The following NUCB2 variants were observed in gnomAD, a reference collection of about 807,000 sequenced individuals.
The protein encoded by NUCB2 is nucleobindin-2.
A neutral mutation model predicts 57.9 loss-of-function variants in NUCB2; 48 were observed. The observed-to-expected ratio is 0.83, with a 90% confidence interval of 0.66 to 1.05. The LOEUF (loss-of-function observed/expected upper bound fraction) is 1.05. Ranked by LOEUF, NUCB2 falls within the 50% of genes least tolerant of loss-of-function variation. The probability of loss-of-function intolerance (pLI) is 0.00; values close to 1 mark genes in which losing one functional copy is unlikely to be tolerated. For synonymous variants in NUCB2, 139 were observed against 152.1 expected (o/e 0.91, Z 0.64); for missense variants, 442 against 476.2 (o/e 0.93, Z 0.67).
At chr11:17,327,183 C>T (rs1340597039) in intron 11 of NUCB2, among the ~76,000 whole-genome samples, 2 of 152,064 alleles carry the variant, frequency 1.3e-5, no homozygotes, top group African/African-American at 4.8e-5. Context: ...GGTTTAGGCT[C>T]CCGAGCAGCT....
intron 10 of NUCB2, among the ~76,000 whole-genome samples, chr11:17,314,454 A>G (rs903975649): frequency 2.0e-5 from 3 of 148,034 alleles, no homozygotes; most frequent in African/African-American, 7.5e-5. Flanking sequence ...GCTCTCTGTG[A>G]CTCTCTCTCC....
chr11:17,315,639 G>T (rs1355135424), intron 11 of NUCB2, among the ~76,000 whole-genome samples, 164 bp downstream of exon 11: 1 of 152,086 alleles, frequency 6.6e-6, no homozygotes, highest in African/African-American at 2.4e-5. Context: ...TTCTTGGAAA[G>T]CTTGTAGCAA....
intron 7 of NUCB2, 44 bp from the exon 8 acceptor site, chr11:17,311,149 A>G (rs1221162548): frequency 6.7e-7 from 1 of 1,499,978 alleles, no homozygotes; most frequent in African/African-American, 1.4e-5. Flanking sequence ...CTGTACAGAT[A>G]GATTATATTT....
intron 1 of NUCB2, among the ~76,000 whole-genome samples, chr11:17,279,966 AT>A (rs1942218946): frequency 6.6e-6 from 1 of 151,482 alleles, no homozygotes; most frequent in Non-Finnish European, 1.5e-5. Context: ...ATTTTTAAGT[AT>A]TTTTTTGTAG....
At chr11:17,333,671 C>T (rs1030940349), downstream of NUCB2, 8 of 152,128 alleles carry the variant, frequency 5.3e-5, no homozygotes, top group African/African-American at 1.9e-4. Flanking sequence ...TGATCTCTTC[C>T]CCTAGGATGG....
At chr11:17,297,615 T>A (rs778265982) in intron 4 of NUCB2, among the ~76,000 whole-genome samples, 4 of 152,162 alleles carry the variant, frequency 2.6e-5, no homozygotes, top group Non-Finnish European at 4.4e-5. Context: ...TGGGGTGACA[T>A]AGAAAATGTG....
rs1430899877 is a variant in NUCB2 at position 17,331,636 on chromosome 11, T to C, written c.*217T>C. On this transcript the variant is annotated 3_prime_UTR_variant, in exon 14 of 14. Coordinates refer to ENST00000529010, the MANE Select transcript of NUCB2 (RefSeq NM_005013.4). ...AAGAAAACAAACTCACTGTCTGCTCTCTGCTCTCACATTCACACGGCTCTT... is the reference window on the plus strand; with the variant it reads ...AAGAAAACAAACTCACTGTCTGCTCCCTGCTCTCACATTCACACGGCTCTT... 7.7e-6 allele frequency: 3 copies of C among 391,174 alleles called. No individual in the cohort carries two copies. Among genetic ancestry groups the C allele is most frequent in the East Asian group, 7.5e-5 (2 of 26,524 alleles). The allele number at this position is 391,174 out of a possible 1,614,324, so 24.2% of individuals were successfully genotyped here. A position where few individuals can be genotyped will look rare whatever the true frequency, so the allele number is the denominator to read the frequency against.
At chr11:17,279,995 G>T (rs1162002048) in intron 1 of NUCB2, among the ~76,000 whole-genome samples, 1 of 152,006 alleles carries the variant, frequency 6.6e-6, no homozygotes, top group East Asian at 1.9e-4. Context: ...GCCTCGCCAT[G>T]TTGTCCAGGC....
At chr11:17,288,701 T>C (rs1439421904) in intron 2 of NUCB2, among the ~76,000 whole-genome samples, 2 of 150,788 alleles carry the variant, frequency 1.3e-5, no homozygotes, top group Non-Finnish European at 3.0e-5. Context: ...ACTACAGGCA[T>C]GCGCCACCTC....
chr11:17,329,992 C>T, intron 11 of NUCB2, 135 bp from the exon 12 acceptor site: 3 of 433,708 alleles, frequency 6.9e-6, no homozygotes, highest in South Asian at 5.3e-5. Flanking sequence ...TACTTATTTC[C>T]CCTTCCTTCT....
At chr11:17,343,882 T>G (rs1049936762) in intron 2 of NUCB2, among the ~76,000 whole-genome samples, 8 of 152,236 alleles carry the variant, frequency 5.3e-5, no homozygotes, top group Admixed American at 2.0e-4. Context: ...CCCATATCAT[T>G]TTTTATTTCT....
At chr11:17,310,719 C>T in intron 6 of NUCB2, 106 bp from the exon 7 acceptor site, 1 of 804,296 alleles carries the variant, frequency 1.2e-6, no homozygotes, top group Non-Finnish European at 2.0e-6. Flanking sequence ...TGTTTTTGCC[C>T]TCCCGTACCA....
chr11:17,282,256 A>C (rs1466347562), intron 1 of NUCB2, among the ~76,000 whole-genome samples: 77 of 108,296 alleles, frequency 7.1e-4, no homozygotes, highest in Middle Eastern at 8.8e-3. Context: ...ATATATATAT[A>C]TATTTTTTTT....
At chr11:17,332,920 C>T (rs1368730365), downstream of NUCB2, 1 of 152,064 alleles carries the variant, frequency 6.6e-6, no homozygotes, top group East Asian at 1.9e-4. Flanking sequence ...CTATGTTGCT[C>T]AGGCTGGTCT....
intron 1 of NUCB2, among the ~76,000 whole-genome samples, chr11:17,282,223 T>A (rs1369419849): frequency 3.1e-5 from 2 of 63,630 alleles, no homozygotes; most frequent in Non-Finnish European, 7.8e-5. Context: ...TCTATATCTA[T>A]CTATCTATCT....
At chr11:17,313,775 C>G (rs1948851037) in intron 10 of NUCB2, among the ~76,000 whole-genome samples, 1 of 152,142 alleles carries the variant, frequency 6.6e-6, no homozygotes, top group African/African-American at 2.4e-5. Context: ...ACCTCACTCT[C>G]TCTTCTTTGC....
At chr11:17,317,561 A>C (rs776216579) in intron 11 of NUCB2, 1 of 432,366 alleles carries the variant, frequency 2.3e-6, no homozygotes, top group Non-Finnish European at 4.6e-6. Flanking sequence ...GATACATTGA[A>C]TTCAGTTGTA....
At chr11:17,324,824 C>G (rs1019653372) in intron 11 of NUCB2, among the ~76,000 whole-genome samples, 1 of 140,616 alleles carries the variant, frequency 7.1e-6, no homozygotes, top group Non-Finnish European at 1.5e-5. Context: ...ATTTTTGAGA[C>G]AGAGCCTCAC....
Position 17,330,424 on chromosome 11 carries a change from A to AG in NUCB2, c.1173+127_1173+128insG. On this transcript the variant is annotated intron_variant, in intron 12 of 13. Transcript: ENST00000529010. This position sits in a 1 kb window ranked among gnomAD's most constrained non-coding sequence, Gnocchi z 4.3. The stretch of plus-strand genomic sequence containing the variant: ...CTATAGCTATACTATAGTATTTTAA[A>AG]TTTTAATACTTTAAAACTGTTTTGT... 1 of 498,234 alleles carries AG rather than the reference A, an allele frequency of 2.0e-6. No individual in the cohort carries two copies. The highest frequency in any genetic ancestry group is 3.4e-6 in the Non-Finnish European group (1 of 291,582). The allele number at this position is 498,234 out of a possible 1,614,324, so 30.9% of individuals were successfully genotyped here.
Sources: gnomAD v4.1 joint callset for allele counts (sites outside exome capture counted in the v4.1 genomes callset) on GRCh38, gnomAD v4.1.1 for gene constraint, Gnocchi (gnomAD v3.1) non-coding constraint, MANE v1.5 for transcripts, NCBI Gene and HGNC (gene_info 2026-07-23, HGNC 2026-07-21) for gene names.